The following KMO variants were observed in gnomAD, a reference collection of about 807,000 sequenced individuals.
KMO encodes the protein kynurenine 3-hydroxylase.
KMO carries 24 observed loss-of-function variants against 57.8 expected under a neutral mutation model. The observed-to-expected ratio is 0.42, with a 90% CI of 0.30 to 0.58. KMO has a LOEUF of 0.58. Among genes scored for constraint, KMO ranks in the 20% least tolerant of loss-of-function variants. The probability of loss-of-function intolerance (pLI) is 0.22; values close to 1 mark genes in which losing one functional copy is unlikely to be tolerated. For synonymous variants in KMO, 210 were observed against 193.6 expected (o/e 1.08, Z -0.70); for missense variants, 483 against 588.2 (o/e 0.82, Z 1.85).
chr1:241,556,190 A>G (rs1264561517), intron 5 of KMO, among the ~76,000 whole-genome samples: 1 of 152,212 alleles, frequency 6.6e-6, no homozygotes, highest in African/African-American at 2.4e-5. Context: ...CTGATGTGCC[A>G]TGGTGCAATC....
chr1:241,565,931 G>A (rs1214092941), intron 8 of KMO, among the ~76,000 whole-genome samples: 5 of 152,156 alleles, frequency 3.3e-5, no homozygotes, highest in South Asian at 2.1e-4. Flanking sequence ...TAGGCTGGGC[G>A]TGGTGGCTCA....
intron 1 of KMO, among the ~76,000 whole-genome samples, chr1:241,539,600 G>C (rs12742047): frequency 0.14 from 21,334 of 152,096 alleles, 1,856 homozygotes; most frequent in East Asian, 0.33. Flanking sequence ...AATCTCTTTC[G>C]TGTGCTTTGC....
intron 1 of KMO, among the ~76,000 whole-genome samples, chr1:241,534,623 A>G (rs1179328865): frequency 3.9e-5 from 6 of 152,214 alleles, no homozygotes; most frequent in Non-Finnish European, 8.8e-5. Flanking sequence ...TATATCCAAA[A>G]TACATTTAAA....
At chr1:241,562,743 G>T (rs948112795) in intron 7 of KMO, among the ~76,000 whole-genome samples, 1 of 152,174 alleles carries the variant, frequency 6.6e-6, no homozygotes, top group African/African-American at 2.4e-5. Context: ...TGAGGCTGAG[G>T]TGGAAGGATT....
intron 10 of KMO, among the ~76,000 whole-genome samples, chr1:241,569,450 T>C (rs753855985): frequency 6.6e-6 from 1 of 152,134 alleles, no homozygotes; most frequent in Non-Finnish European, 1.5e-5. Flanking sequence ...CACTAACGTC[T>C]TCTGGTTCCA....
chr1:241,548,088 A>AACACACACACACACACAC (rs60952289), intron 1 of KMO, among the ~76,000 whole-genome samples: 51,266 of 148,544 alleles, frequency 0.35, 10,773 homozygotes, highest in Non-Finnish European at 0.48. Context: ...AAACAAACAA[A>AACACACACACACACACAC]ACACACACAC....
chr1:241,558,714 G>C (rs777627239), intron 5 of KMO, among the ~76,000 whole-genome samples: 5 of 151,128 alleles, frequency 3.3e-5, no homozygotes, highest in African/African-American at 9.8e-5. Flanking sequence ...GAGCAGCACA[G>C]TCCAACATGT....
At chr1:241,543,028 A>G (rs1661012158) in intron 1 of KMO, among the ~76,000 whole-genome samples, 1 of 152,170 alleles carries the variant, frequency 6.6e-6, no homozygotes. Context: ...GTTACACAGA[A>G]TTGCGGTCAT....
rs574215589 is a variant in KMO at position 241,557,242 on chromosome 1, C to T, written c.361+1582C>T. Among the ~76,000 whole-genome samples, 9 of 152,300 alleles carry T rather than the reference C, an allele frequency of 5.9e-5. No homozygotes were observed. The East Asian group carries it at 1.7e-3, about 29-fold the overall frequency. On this transcript the variant is annotated intron_variant, in intron 5 of 14. Transcript: ENST00000366559. ...GGTTTGCGTAGTTGATCCAGTCACA[C>T]ACCATGTATCCCTTACTAAGTCTAA...
Position 241,560,795 on chromosome 1 carries a change from G to A in KMO, c.449+43G>A, listed in dbSNP as rs200388489. 2.8e-4 allele frequency: 368 copies of A among 1,307,788 alleles called. 3 individuals are homozygous for A. Among genetic ancestry groups the A allele is most frequent in the South Asian group, 2.7e-3 (229 of 84,654 alleles). 81.0% of individuals were successfully genotyped at this position (1,307,788 alleles called of 1,614,324 possible). ...TTTGGACTTCAGAGGTGAAAGCTGG[G>A]AGTGGAGAATTGTATCTGCAAACTT... On this transcript the variant is annotated intron_variant, in intron 6 of 14. Transcript: ENST00000366559.
intron 9 of KMO, among the ~76,000 whole-genome samples, chr1:241,566,875 G>A (rs1210637663): frequency 6.6e-6 from 1 of 152,186 alleles, no homozygotes. Flanking sequence ...AGGCTCCTCA[G>A]GCTCCTTGGG....
At chr1:241,570,132 C>T (rs1220778840) in intron 10 of KMO, among the ~76,000 whole-genome samples, 1 of 151,988 alleles carries the variant, frequency 6.6e-6, no homozygotes, top group Non-Finnish European at 1.5e-5. Context: ...TTATTAATCC[C>T]TTGTCAGATG....
intron 10 of KMO, among the ~76,000 whole-genome samples, chr1:241,570,562 C>A (rs1039251929): frequency 2.6e-5 from 4 of 152,020 alleles, no homozygotes; most frequent in African/African-American, 7.2e-5. Context: ...ATGTTCTTGG[C>A]ACCTTTGCTA....
At chr1:241,586,633 T>C in intron 10 of KMO, 46 bp from the exon 11 acceptor site, 2 of 1,273,646 alleles carry the variant, frequency 1.6e-6, no homozygotes, top group Non-Finnish European at 2.2e-6. Context: ...GGGTTTCTTT[T>C]TTATTATTTC....
chr1:241,564,774 C>G (rs1035329520), intron 7 of KMO, among the ~76,000 whole-genome samples: 3 of 151,954 alleles, frequency 2.0e-5, no homozygotes, highest in African/African-American at 7.3e-5. Flanking sequence ...TTGAAATATA[C>G]CTGGTATCAA....
In KMO at chr1:241,566,799, T is replaced by C. The variant is rs151226256; in HGVS notation, c.809+187T>C. On this transcript the variant is annotated intron_variant, in intron 9 of 14. Transcript: ENST00000366559. ...GAGCAGGAATTCTGAAAAACACCCT[T>C]GACGTGGCCAGTTCCTCCGGGAAAG... 3.0e-3 allele frequency among the ~76,000 whole-genome samples: 457 copies of C among 152,290 alleles called. 1 individual carries two copies. Among genetic ancestry groups the C allele is most frequent in the African/African-American group, 0.01 (424 of 41,548 alleles).
At chr1:241,555,961 T>C (rs1330271218) in intron 5 of KMO, among the ~76,000 whole-genome samples, 2 of 152,048 alleles carry the variant, frequency 1.3e-5, no homozygotes, top group Non-Finnish European at 2.9e-5. Context: ...AGCGTGTACC[T>C]ATAGTCCCAG....
At chr1:241,578,528 C>T (rs1662618909) in intron 10 of KMO, among the ~76,000 whole-genome samples, 1 of 152,140 alleles carries the variant, frequency 6.6e-6, no homozygotes, top group South Asian at 2.1e-4. Context: ...TGGGGAATGT[C>T]TGCAAGGGAT....
Position 241,562,888 on chromosome 1 carries a change from AAG to A in KMO, c.615+557_615+558del, listed in dbSNP as rs1355713294. On this transcript the variant is annotated intron_variant, in intron 7 of 14. Transcript: ENST00000366559. ...GAAGGAAGGAAGGAAGGAAGGAAGG[AAG>A]GAAGGAAGGAAGGAAGGAAGGAAGG... Among the ~76,000 whole-genome samples the A allele has an allele frequency of 1.2e-4, 10 of 84,920 alleles. No homozygotes were observed. In the South Asian group the frequency reaches 2.2e-3, roughly 19 times the overall value. 55.7% of individuals were successfully genotyped at this position (84,920 alleles called of 152,430 possible).
Sources: allele counts gnomAD v4.1 joint callset (sites outside exome capture counted in the v4.1 genomes callset), GRCh38; gene constraint gnomAD v4.1.1; transcripts MANE v1.5; gene names NCBI Gene and HGNC (gene_info 2026-07-23, HGNC 2026-07-21).